Variants in RICTOR observed in about 807,000 individuals in gnomAD.
RICTOR encodes rapamycin-insensitive companion of mTOR.
Under a neutral mutation model 214.9 loss-of-function variants are expected in RICTOR, and 49 were observed. The ratio of observed to expected loss-of-function variants is 0.23; its 90% CI spans 0.18 to 0.29. The LOEUF (loss-of-function observed/expected upper bound fraction) is 0.29. Ranked by LOEUF, RICTOR falls within the 10% of genes least tolerant of loss-of-function variation. The pLI is 1.00. For synonymous variants in RICTOR, 717 were observed against 711.3 expected (o/e 1.01, Z -0.13); for missense variants, 1,625 against 2,047.0 (o/e 0.79, Z 3.98).
rs553584193 is a variant in RICTOR, at chr5:39,026,984, G to A, written c.98-5848C>T. Among the ~76,000 whole-genome samples the A allele has an allele frequency of 1.5e-4, 23 of 151,862 alleles. No individual in the cohort carries two copies. In the South Asian group the frequency reaches 4.6e-3, roughly 30 times the overall value. ...GATCGCACCATTGCACTCCAGCCTG[G>A]GCAACAAGAGCAAAACCCCATCTCA... On this transcript the variant is annotated intron_variant, in intron 2 of 37. Coordinates refer to ENST00000357387, the MANE Select transcript of RICTOR (RefSeq NM_152756.5).
chr5:39,058,995 GAGA>G (rs1450709488), intron 2 of RICTOR, among the ~76,000 whole-genome samples: 1 of 152,116 alleles, frequency 6.6e-6, no homozygotes, highest in African/African-American at 2.4e-5. Context: ...AAGAGAAATG[GAGA>G]AGATGATTTA....
intron 2 of RICTOR, among the ~76,000 whole-genome samples, chr5:39,055,620 T>C (rs929221290): frequency 2.0e-5 from 3 of 152,092 alleles, no homozygotes. Context: ...TCAACAAATA[T>C]TTGTCTAGTG....
chr5:38,967,444 A>G lies in RICTOR; in HGVS notation c.1061-17T>C, dbSNP rs1484245375. On this transcript the variant is annotated splice_polypyrimidine_tract_variant and intron_variant, in intron 12 of 37. Transcript: ENST00000357387. Reference sequence around the variant, plus strand: ...TCCCTGGATCTAAATTAGTTAAAATATGGTAGGGAAAAGATTAGATATCAC... The same window carrying G: ...TCCCTGGATCTAAATTAGTTAAAATGTGGTAGGGAAAAGATTAGATATCAC... The G allele has an allele frequency of 3.2e-6, 5 of 1,554,060 alleles. No homozygotes were observed. The highest frequency in any genetic ancestry group is 3.5e-6 in the Non-Finnish European group (4 of 1,130,406).
At chr5:38,982,181 T>A in intron 7 of RICTOR, 145 bp from the exon 8 acceptor site, 2 of 601,736 alleles carry the variant, frequency 3.3e-6, no homozygotes, top group Non-Finnish European at 5.8e-6. Flanking sequence ...AAAGGACAAG[T>A]GGAAAATGTA....
chr5:38,973,446 A>G (rs1750951151), intron 10 of RICTOR, among the ~76,000 whole-genome samples: 1 of 152,218 alleles, frequency 6.6e-6, no homozygotes, highest in Non-Finnish European at 1.5e-5. Context: ...TATATAATAC[A>G]GCAAATACAG....
intron 22 of RICTOR, among the ~76,000 whole-genome samples, 172 bp downstream of exon 22, chr5:38,959,023 C>A (rs1435016943): frequency 4.0e-5 from 6 of 151,814 alleles, no homozygotes; most frequent in Admixed American, 3.9e-4. Context: ...CAGCTTCTTC[C>A]CCCGATACAA....
At chr5:38,995,704 A>G (rs1753131051) in intron 6 of RICTOR, among the ~76,000 whole-genome samples, 1 of 152,186 alleles carries the variant, frequency 6.6e-6, no homozygotes, top group South Asian at 2.1e-4. Context: ...TAACCAAAAA[A>G]TTGTTCTAGG....
At chr5:38,965,089 A>G (rs1750107865) in intron 15 of RICTOR, among the ~76,000 whole-genome samples, 197 bp from the exon 16 acceptor site, 1 of 152,004 alleles carries the variant, frequency 6.6e-6, no homozygotes, top group Non-Finnish European at 1.5e-5. Flanking sequence ...AGGATGGAAT[A>G]TAAAGATACA....
chr5:38,990,542 A>G (rs1329972442), intron 7 of RICTOR, among the ~76,000 whole-genome samples: 1 of 141,632 alleles, frequency 7.1e-6, no homozygotes, highest in Admixed American at 7.0e-5. Flanking sequence ...TATACGATAT[A>G]TACACGATAT....
chr5:39,033,836 T>C (rs1003253706), intron 2 of RICTOR, among the ~76,000 whole-genome samples: 3 of 151,704 alleles, frequency 2.0e-5, no homozygotes, highest in Admixed American at 6.6e-5. Flanking sequence ...AAACTAAAGG[T>C]TGAAAAACAA....
At chr5:38,994,419 TAAAAAAAAAAAAAAA>T (rs869254811) in intron 6 of RICTOR, among the ~76,000 whole-genome samples, 28 of 57,160 alleles carry the variant, frequency 4.9e-4, no homozygotes, top group African/African-American at 1.5e-3. Flanking sequence ...AAGGTTTTAC[TAAAAAAAAAAAAAAA>T]AAAAAAAAAA....
rs1021221812 is a variant in RICTOR, at chr5:38,939,837, T to C, written c.*2467A>G. The C allele has an allele frequency of 4.5e-6, 1 of 224,046 alleles. No individual in the cohort carries two copies. The highest frequency in any genetic ancestry group is 2.2e-5 in the African/African-American group (1 of 44,910). 13.9% of individuals were successfully genotyped at this position (224,046 alleles called of 1,614,324 possible). On this transcript the variant is annotated 3_prime_UTR_variant, in exon 38 of 38. Coordinates refer to ENST00000357387, the MANE Select transcript of RICTOR (RefSeq NM_152756.5). The stretch of plus-strand genomic sequence containing the variant: ...TCTCAATTATTTCTATTACTGCTGA[T>C]ATCATTCCTAACCTCTTCTGCTATA...
At chr5:39,034,323 T>A (rs1426202452) in intron 2 of RICTOR, among the ~76,000 whole-genome samples, 1 of 152,194 alleles carries the variant, frequency 6.6e-6, no homozygotes, top group Non-Finnish European at 1.5e-5. Context: ...AAAAGTTGTA[T>A]AATTTTGGGG....
intron 35 of RICTOR, 138 bp downstream of exon 35, chr5:38,944,775 T>C (rs1363195479): frequency 1.1e-6 from 1 of 896,660 alleles, no homozygotes; most frequent in Non-Finnish European, 1.8e-6. Context: ...TAATTAACAG[T>C]GTTAAATTGC....
intron 2 of RICTOR, among the ~76,000 whole-genome samples, chr5:39,069,941 C>T (rs1759189954): frequency 6.6e-6 from 1 of 152,206 alleles, no homozygotes; most frequent in Admixed American, 6.5e-5. Flanking sequence ...TATTGGGTTA[C>T]CTCTGTTTCC....
chr5:39,019,649 A>G (rs1561539173), intron 3 of RICTOR, among the ~76,000 whole-genome samples: 1 of 152,196 alleles, frequency 6.6e-6, no homozygotes, highest in Non-Finnish European at 1.5e-5. Flanking sequence ...GCTCATTGAC[A>G]ATGCACCTAG....
chr5:38,965,427 C>T (rs957114117), intron 15 of RICTOR, among the ~76,000 whole-genome samples: 2 of 151,848 alleles, frequency 1.3e-5, no homozygotes, highest in Admixed American at 6.6e-5. Flanking sequence ...ACAAGTACAT[C>T]GATCAAATGT....
chr5:38,978,513 C>T (rs532632601), intron 9 of RICTOR, 70 bp downstream of exon 9: 37 of 666,424 alleles, frequency 5.6e-5, no homozygotes, highest in African/African-American at 5.1e-4. Flanking sequence ...CATGGAATCA[C>T]GCAAACCTAA....
chr5:38,997,264 A>T (rs779106439), intron 5 of RICTOR, among the ~76,000 whole-genome samples: 1 of 152,174 alleles, frequency 6.6e-6, no homozygotes, highest in Non-Finnish European at 1.5e-5. Flanking sequence ...GGCTGTTTTC[A>T]TTTAATTGCA....
Sources: allele counts gnomAD v4.1 joint callset (sites outside exome capture counted in the v4.1 genomes callset), GRCh38; gene constraint gnomAD v4.1.1; transcripts MANE v1.5; gene names NCBI Gene and HGNC (gene_info 2026-07-23, HGNC 2026-07-21).